PCDH11Y: variants seen among roughly 807,000 people sequenced by gnomAD.
The protein encoded by PCDH11Y is protocadherin-11 Y-linked.
For synonymous variants in PCDH11Y, 9 were observed against 83.6 expected, an observed-to-expected ratio of 0.11 and a Z score of 4.87; for missense variants, 12 against 224.8, an observed-to-expected ratio of 0.05 and a Z score of 6.05.
At chrY:5,015,882 G>A in intron 1 of PCDH11Y, among the ~76,000 whole-genome samples, 1 of 31,921 alleles carries the variant, frequency 3.1e-5, no homozygotes, top group Non-Finnish European at 7.6e-5. Flanking sequence ...TCTCATGATA[G>A]TGAATGGGTA....
At chrY:5,135,551 G>A (rs2052838149) in intron 2 of PCDH11Y, among the ~76,000 whole-genome samples, 1 of 32,575 alleles carries the variant, frequency 3.1e-5, no homozygotes, top group Non-Finnish European at 7.5e-5. Context: ...CAGCAGAGGC[G>A]GCCAGGATTG....
At chrY:5,318,380 G>A (rs2124665451) in intron 2 of PCDH11Y, among the ~76,000 whole-genome samples, 1 of 32,111 alleles carries the variant, frequency 3.1e-5, no homozygotes, top group East Asian at 8.3e-4. Context: ...GACTCATCAC[G>A]GAAAGTGACT....
intron 2 of PCDH11Y, among the ~76,000 whole-genome samples, chrY:5,150,245 A>T: frequency 3.0e-5 from 1 of 32,817 alleles, no homozygotes; most frequent in East Asian, 8.1e-4. Context: ...CAATACATAT[A>T]ATGTATAGTG....
At chrY:5,129,478 C>CAGAGAGAGAGAG (rs60771778) in intron 2 of PCDH11Y, among the ~76,000 whole-genome samples, 140 of 12,471 alleles carry the variant, frequency 0.011, no homozygotes, top group Middle Eastern at 0.067. Context: ...CACACACACA[C>CAGAGAGAGAGAG]AGAGAGAGAG....
intron 2 of PCDH11Y, among the ~76,000 whole-genome samples, chrY:5,201,775 A>G (rs1430242424): frequency 3.0e-5 from 1 of 33,387 alleles, no homozygotes; most frequent in Non-Finnish European, 7.4e-5. Flanking sequence ...TTCTAATTAT[A>G]TAGTCTGTTG....
chrY:5,686,542 G>T (rs2053563252), intron 4 of PCDH11Y, among the ~76,000 whole-genome samples: 12 of 34,099 alleles, frequency 3.5e-4, no homozygotes, highest in Non-Finnish European at 6.6e-4. Context: ...TTTGTTAGCT[G>T]TATTCCTAGG....
chrY:5,421,049 T>TACACACACACAC (rs1310744427), intron 2 of PCDH11Y, among the ~76,000 whole-genome samples: 5 of 16,961 alleles, frequency 2.9e-4, no homozygotes, highest in African/African-American at 5.4e-4. Context: ...CTACTAAAAA[T>TACACACACACAC]ACACACACAC....
intron 4 of PCDH11Y, among the ~76,000 whole-genome samples, chrY:5,597,191 A>T (rs2053467618): frequency 6.6e-5 from 2 of 30,175 alleles, no homozygotes; most frequent in Non-Finnish European, 1.6e-4. Context: ...ACAATTGTGA[A>T]AATGTGGAAC....
intron 4 of PCDH11Y, among the ~76,000 whole-genome samples, chrY:5,642,020 C>T (rs2053523504): frequency 5.9e-5 from 2 of 33,802 alleles, no homozygotes; most frequent in Non-Finnish European, 1.5e-4. Context: ...AGTTAATTAA[C>T]TTTCCTAAGA....
chrY:5,482,003 T>C (rs2053326568), intron 2 of PCDH11Y, among the ~76,000 whole-genome samples: 3 of 23,357 alleles, frequency 1.3e-4, no homozygotes, highest in African/African-American at 3.5e-4. Context: ...TTTCTTTTTT[T>C]TTTTTTTTTT....
intron 2 of PCDH11Y, among the ~76,000 whole-genome samples, chrY:5,143,225 A>G (rs1481302363): frequency 1.8e-3 from 60 of 33,046 alleles, no homozygotes; most frequent in South Asian, 2.7e-3. Flanking sequence ...GTCTGTTTCC[A>G]TATCTCCTTG....
chrY:5,492,102 G>A (rs1602933492), intron 2 of PCDH11Y, among the ~76,000 whole-genome samples: 1 of 33,646 alleles, frequency 3.0e-5, no homozygotes. Context: ...TGATTTCTAC[G>A]TAGCTGATGT....
At chrY:5,665,565 G>A in intron 4 of PCDH11Y, among the ~76,000 whole-genome samples, 1 of 33,360 alleles carries the variant, frequency 3.0e-5, no homozygotes, top group South Asian at 6.7e-4. Flanking sequence ...AGACTGCATT[G>A]ATTTAAAGTA....
rs2124675063 is a variant in PCDH11Y, at chrY:5,385,304, C to A, written c.3130-115753C>A. Among the ~76,000 whole-genome samples, 4 of 30,190 alleles carry A rather than the reference C, an allele frequency of 1.3e-4. No individual in the cohort carries two copies. The South Asian group carries it at 3.1e-3, about 24-fold the overall frequency. The allele number at this position is 30,190 out of a possible 37,273, so 81.0% of individuals were successfully genotyped here. A position where few individuals can be genotyped will look rare whatever the true frequency, so the allele number is the denominator to read the frequency against. On this transcript the variant is annotated intron_variant, in intron 2 of 4. Transcript: ENST00000400457. ...CTTTTATTTCTCCCTCCCTTCCCAC[C>A]CTTTCCCCCTGAGTCCCAAAGTCCG...
At chrY:5,332,743 C>A (rs2053132332) in intron 2 of PCDH11Y, among the ~76,000 whole-genome samples, 67 of 33,563 alleles carry the variant, frequency 2.0e-3, no homozygotes, top group African/African-American at 5.9e-3. Flanking sequence ...TTCTTTATGT[C>A]ATTAAGTTGC....
intron 3 of PCDH11Y, among the ~76,000 whole-genome samples, chrY:5,502,942 G>A: frequency 6.1e-5 from 2 of 32,936 alleles, no homozygotes; most frequent in African/African-American, 2.3e-4. Context: ...GACTCAAATG[G>A]AATACTGTTG....
intron 2 of PCDH11Y, among the ~76,000 whole-genome samples, chrY:5,402,834 A>G (rs1213301755): frequency 4.3e-3 from 133 of 31,077 alleles, no homozygotes; most frequent in Middle Eastern, 0.015. Flanking sequence ...GGCTGTATCA[A>G]TAAATTCCAG....
chrY:5,081,555 T>C (rs2052719879), intron 1 of PCDH11Y, among the ~76,000 whole-genome samples: 1 of 32,068 alleles, frequency 3.1e-5, no homozygotes, highest in Non-Finnish European at 7.5e-5. Context: ...CCTTGAGCAG[T>C]CGTTTGTAGT....
intron 2 of PCDH11Y, among the ~76,000 whole-genome samples, chrY:5,184,192 A>T: frequency 3.6e-5 from 1 of 27,497 alleles, no homozygotes; most frequent in Non-Finnish European, 8.3e-5. Context: ...ACGTAAATGG[A>T]ATCATGCAGT....
Sources: gnomAD v4.1 joint callset for allele counts (sites outside exome capture counted in the v4.1 genomes callset) on GRCh38, gnomAD v4.1.1 for gene constraint, MANE v1.5 for transcripts, NCBI Gene and HGNC (gene_info 2026-07-23, HGNC 2026-07-21) for gene names.